The following METTL25B variants were observed in gnomAD, a reference collection of about 807,000 sequenced individuals.
The protein encoded by METTL25B is methyltransferase-like protein 25B.
Under a neutral mutation model 48.4 loss-of-function variants are expected in METTL25B, and 38 were observed. The ratio of observed to expected loss-of-function variants is 0.78; its 90% CI spans 0.61 to 1.03. The LOEUF is 1.03. Ranked by LOEUF, METTL25B falls within the 50% of genes least tolerant of loss-of-function variation. The pLI, the probability that METTL25B is intolerant of heterozygous loss-of-function variation, is 0.00. For synonymous variants in METTL25B, 230 were observed against 254.5 expected (o/e 0.90, Z 0.92); for missense variants, 537 against 603.7 (o/e 0.89, Z 1.16).
chr1:156,736,122 C>T (rs1373883843), intron 7 of METTL25B: 1 of 413,190 alleles, frequency 2.4e-6, no homozygotes. Flanking sequence ...AATCCCAGCA[C>T]TTTAGGAGGC....
At chr1:156,730,687 G>A (rs374619444) in intron 1 of METTL25B, among the ~76,000 whole-genome samples, 3 of 152,162 alleles carry the variant, frequency 2.0e-5, no homozygotes, top group African/African-American at 7.2e-5. Context: ...AGCTGAGATC[G>A]CGCCACTGCA....
At chr1:156,735,633 A>G in intron 6 of METTL25B, 92 bp from the exon 7 acceptor site, 1 of 932,962 alleles carries the variant, frequency 1.1e-6, no homozygotes, top group South Asian at 2.2e-5. Flanking sequence ...AAATAAAGCA[A>G]AGTTGGAACT....
rs929678681 is a variant in METTL25B at position 156,728,924 on chromosome 1, C to T, written c.-181C>T. 7.1e-5 allele frequency: 40 copies of T among 564,272 alleles called. No individual in the cohort carries two copies. Among genetic ancestry groups the T allele is most frequent in the Non-Finnish European group, 1.1e-4 (38 of 340,636 alleles). 35.0% of individuals were successfully genotyped at this position (564,272 alleles called of 1,614,324 possible). A position where few individuals can be genotyped will look rare whatever the true frequency, so the allele number is the denominator to read the frequency against. On this transcript the variant is annotated 5_prime_UTR_variant, in exon 1 of 8. Coordinates refer to ENST00000368216, the MANE Select transcript of METTL25B (RefSeq NM_015997.4). ...GTCGCGACCTGTGACGTCTGGGGGGCGCCTCAAATCTTCCACTCCAGCATC... is the reference window on the plus strand; with the variant it reads ...GTCGCGACCTGTGACGTCTGGGGGGTGCCTCAAATCTTCCACTCCAGCATC...
chr1:156,735,077 T>A (rs1280870733), intron 6 of METTL25B, among the ~76,000 whole-genome samples: 1 of 150,912 alleles, frequency 6.6e-6, no homozygotes, highest in African/African-American at 2.4e-5. Context: ...TCACCTGAGG[T>A]CAGGAGTTCG....
Position 156,731,879 on chromosome 1 carries a change from A to G in METTL25B, c.112-112A>G, listed in dbSNP as rs1649320145. 5 of 1,379,260 alleles carry G rather than the reference A, an allele frequency of 3.6e-6. No individual in the cohort carries two copies. The Admixed American group carries it at 5.3e-5, about 15-fold the overall frequency. The allele number at this position is 1,379,260 out of a possible 1,614,324, so 85.4% of individuals were successfully genotyped here. The stretch of plus-strand genomic sequence containing the variant: ...CCTGCCAGTTACAGGCAGTGGCCCT[A>G]TGTGGCAGCAGTGCTGGGAAGAGGC... On this transcript the variant is annotated intron_variant, in intron 1 of 7. Coordinates refer to ENST00000368216, the MANE Select transcript of METTL25B (RefSeq NM_015997.4).
intron 4 of METTL25B, 70 bp downstream of exon 4, chr1:156,733,117 C>A: frequency 2.1e-6 from 3 of 1,443,544 alleles, no homozygotes; most frequent in South Asian, 2.4e-5. Context: ...GGCAGGTTAT[C>A]GGGCCACAGG....
intron 2 of METTL25B, 65 bp downstream of exon 2, chr1:156,732,180 C>T: frequency 6.2e-7 from 1 of 1,610,604 alleles, no homozygotes; most frequent in Admixed American, 1.7e-5. Context: ...GAGCATATTG[C>T]TCAGAGAGTC....
intron 1 of METTL25B, among the ~76,000 whole-genome samples, chr1:156,731,156 C>T (rs1649255001): frequency 6.6e-6 from 1 of 152,178 alleles, no homozygotes; most frequent in South Asian, 2.1e-4. Flanking sequence ...GGGAGTTTTG[C>T]TCTGCTGCCC....
chr1:156,735,086 C>T lies in METTL25B; in HGVS notation c.1121+593C>T, dbSNP rs565073355. On this transcript the variant is annotated intron_variant, in intron 6 of 7. Transcript: ENST00000368216. ...GGCCGATCACCTGAGGTCAGGAGTT[C>T]GAGACTAGCCTGGCCAACATGGCGA... Among the ~76,000 whole-genome samples the T allele has an allele frequency of 1.8e-4, 27 of 151,264 alleles. No individual in the cohort carries two copies. The South Asian group carries it at 5.0e-3, about 28-fold the overall frequency.
At position 156,728,756 on chromosome 1, in the gene METTL25B, G is replaced by T; in HGVS notation, c.-349G>T. On this transcript the variant is annotated 5_prime_UTR_variant, in exon 1 of 8. Transcript: ENST00000368216. ...ACCTCCGGCTTCACTTCCGTAAGAG[G>T]AGAGGAGTGTACGGCAAGGGGCGGG... The T allele has an allele frequency of 9.7e-7, 1 of 1,032,300 alleles. No homozygotes were observed. The highest frequency in any genetic ancestry group is 1.2e-6 in the Non-Finnish European group (1 of 858,738). The allele number at this position is 1,032,300 out of a possible 1,614,324, so 63.9% of individuals were successfully genotyped here. A position where few individuals can be genotyped will look rare whatever the true frequency, so the allele number is the denominator to read the frequency against.
chr1:156,734,345 T>A lies in METTL25B; in HGVS notation c.973T>A (p.Tyr325Asn). The A allele has an allele frequency of 1.9e-6, 3 of 1,613,984 alleles. No individual in the cohort carries two copies. The highest frequency in any genetic ancestry group is 2.5e-6 in the Non-Finnish European group (3 of 1,179,962). The change falls in exon 6 of 8, where the codon TAT becomes AAT. Residue 325 changes from tyrosine (Y) to asparagine (N), a missense_variant. Physicochemically the swap from Tyr to Asn is moderately radical, Grantham distance 143. Transcript: ENST00000368216. ...GGGGGCCTGCCATGCCCTGGAGGAATATGCTGAGCGGCTACAGAAAGCTGG... is the reference window on the plus strand; with the variant it reads ...GGGGGCCTGCCATGCCCTGGAGGAAAATGCTGAGCGGCTACAGAAAGCTGG... ...REGACHALEE[Y>N]AERLQKAGPG... is the part of the protein sequence containing the mutation.
chr1:156,728,611 G>C lies in METTL25B; in HGVS notation c.-494G>C, dbSNP rs1648935604. Reference sequence around the variant, plus strand: ...GTGAGGAGCGGCAGTGGCGGCGGAGGAGGGGGCGGCGTGGGTGGGGGCGGG... The same window carrying C: ...GTGAGGAGCGGCAGTGGCGGCGGAGCAGGGGGCGGCGTGGGTGGGGGCGGG... On this transcript the variant is annotated 5_prime_UTR_variant, in exon 1 of 8. Transcript: ENST00000368216. The C allele has an allele frequency of 1.0e-6, 1 of 984,258 alleles. No individual in the cohort carries two copies. The highest frequency in any genetic ancestry group is 6.2e-5 in the Admixed American group (1 of 16,260). The allele number at this position is 984,258 out of a possible 1,614,324, so 61.0% of individuals were successfully genotyped here.
At chr1:156,736,451 C>G (rs1032266679) in intron 7 of METTL25B, 181 bp from the exon 8 acceptor site, 12 of 635,904 alleles carry the variant, frequency 1.9e-5, no homozygotes, top group Non-Finnish European at 2.7e-6. Flanking sequence ...ACCTACAATG[C>G]AAGAGGACTG....
At position 156,734,420 on chromosome 1, in the gene METTL25B, C is replaced by T. The variant is rs771852368; in HGVS notation, c.1048C>T (p.Arg350Ter). ...CCGTGCAGCACTGGAGACAGTCATC[C>T]GACGGGCCCGGCCCGAGCTCCGTCG... The part of the protein sequence containing the change: ...CYRAALETVI[R>*]RARPELRRPG... The change falls in exon 6 of 8, where the codon CGA becomes TGA. Residue 350 changes from arginine (R) to a stop codon, truncating the protein, a stop_gained. Transcript: ENST00000368216. LOFTEE classifies it high-confidence loss of function. 3.4e-5 allele frequency: 55 copies of T among 1,610,020 alleles called. No homozygotes were observed. Among genetic ancestry groups the T allele is most frequent in the Non-Finnish European group, 4.0e-5 (47 of 1,178,314 alleles).
chr1:156,731,370 C>T (rs1649272448), intron 1 of METTL25B, among the ~76,000 whole-genome samples: 1 of 152,144 alleles, frequency 6.6e-6, no homozygotes, highest in Admixed American at 6.6e-5. Context: ...GTGATCTGCC[C>T]GCCTTGGTCT....
chr1:156,734,198 G>A lies in METTL25B; in HGVS notation c.826G>A (p.Glu276Lys). The change falls in exon 6 of 8, where the codon GAG (glutamate) becomes AAG (lysine). Residue 276 changes from glutamate (E) to lysine (K), a missense_variant. By Grantham distance (56) the Glu-to-Lys change is moderately conservative. Coordinates refer to ENST00000368216, the MANE Select transcript of METTL25B (RefSeq NM_015997.4). ...ALLRHFSCCP[E>K]VVALASVGCC... The stretch of plus-strand genomic sequence containing the variant: ...GCTGAGACACTTCTCCTGCTGTCCT[G>A]AGGTGGTGGCCCTGGCCTCAGTGGG... The A allele has an allele frequency of 6.2e-7, 1 of 1,614,268 alleles. No individual in the cohort carries two copies. The highest frequency in any genetic ancestry group is 8.5e-7 in the Non-Finnish European group (1 of 1,180,052).
At chr1:156,733,617 C>A in intron 5 of METTL25B, 97 bp downstream of exon 5, 1 of 1,335,272 alleles carries the variant, frequency 7.5e-7, no homozygotes, top group Non-Finnish European at 1.0e-6. Context: ...AGTTTCTCAG[C>A]TTGAACTGGT....
Position 156,736,668 on chromosome 1 carries a change from A to T in METTL25B, c.1343A>T (p.Glu448Val). 3.7e-6 allele frequency: 6 copies of T among 1,613,804 alleles called. No individual in the cohort carries two copies. The highest frequency in any genetic ancestry group is 5.1e-6 in the Non-Finnish European group (6 of 1,179,890). ...GAGCTCCTGCCCATCTTCAGTCCTG[A>T]ACTCTCTCCCAGAAACCTGGTTCTG... ...HAELLPIFSP[E>V]LSPRNLVLVA... The change falls in exon 8 of 8, where the codon GAA (glutamate) becomes GTA (valine). Residue 448 changes from glutamate to valine, a missense_variant. Coordinates refer to ENST00000368216, the MANE Select transcript of METTL25B (RefSeq NM_015997.4).
chr1:156,734,587 A>G, intron 6 of METTL25B, 94 bp downstream of exon 6: 2 of 1,345,038 alleles, frequency 1.5e-6, no homozygotes, highest in Non-Finnish European at 2.0e-6. Context: ...GCTGGAGTGC[A>G]GTGGAGCGAT....
Sources: allele counts gnomAD v4.1 joint callset (sites outside exome capture counted in the v4.1 genomes callset), GRCh38; gene constraint gnomAD v4.1.1; transcripts MANE v1.5; gene names NCBI Gene and HGNC (gene_info 2026-07-23, HGNC 2026-07-21).